CEP89: variants seen among roughly 807,000 people sequenced by gnomAD.
CEP89 encodes centrosomal protein of 89 kDa.
In CEP89, 95 loss-of-function variants were observed where a neutral mutation model predicts 97.6. The ratio of observed to expected loss-of-function variants is 0.97; its 90% CI spans 0.82 to 1.15. The LOEUF (loss-of-function observed/expected upper bound fraction) is 1.15. Ranked by LOEUF, CEP89 falls within the 50% of genes most tolerant of loss-of-function variation. CEP89 has a pLI of 0.00. For synonymous variants in CEP89, 354 were observed against 349.1 expected, an observed-to-expected ratio of 1.01 and a Z score of -0.16; for missense variants, 869 against 947.7, an observed-to-expected ratio of 0.92 and a Z score of 1.09.
At chr19:32,917,074 C>T (rs1233433144) in intron 13 of CEP89, among the ~76,000 whole-genome samples, 1 of 152,096 alleles carries the variant, frequency 6.6e-6, no homozygotes, top group Non-Finnish European at 1.5e-5. Flanking sequence ...GGGAAAATAG[C>T]ACAGGCAACT....
intron 12 of CEP89, among the ~76,000 whole-genome samples, chr19:32,920,833 C>G (rs114675457): frequency 6.6e-6 from 1 of 152,016 alleles, no homozygotes; most frequent in African/African-American, 2.4e-5. Context: ...CCTGAGGTCA[C>G]CCAGTGATTC....
At position 32,937,733 on chromosome 19, in the gene CEP89, C is replaced by G; in HGVS notation, c.625-60G>C. On this transcript the variant is annotated intron_variant, in intron 6 of 18. Coordinates refer to ENST00000305768, the MANE Select transcript of CEP89 (RefSeq NM_032816.5). ...GAGCATTAGTGTTTTATAAAGTGGACACACGCAGCTAGGTCATTAGACAGC... is the reference window on the plus strand; with the variant it reads ...GAGCATTAGTGTTTTATAAAGTGGAGACACGCAGCTAGGTCATTAGACAGC... 6.7e-6 allele frequency: 8 copies of G among 1,201,488 alleles called. No homozygotes were observed. The South Asian group carries it at 1.0e-4, about 15-fold the overall frequency. 74.4% of individuals were successfully genotyped at this position (1,201,488 alleles called of 1,614,324 possible).
At chr19:32,904,260 G>T (rs1307895634) in intron 14 of CEP89, among the ~76,000 whole-genome samples, 1 of 152,134 alleles carries the variant, frequency 6.6e-6, no homozygotes, top group African/African-American at 2.4e-5. Flanking sequence ...AAGCCTCAGA[G>T]AAAACACACG....
At chr19:32,886,705 C>A (rs1969403862) in intron 17 of CEP89, among the ~76,000 whole-genome samples, 1 of 152,040 alleles carries the variant, frequency 6.6e-6, no homozygotes, top group Non-Finnish European at 1.5e-5. Context: ...CCGAGGATCA[C>A]TCCTTCTCTT....
At chr19:32,883,910 T>G (rs1231785572) in intron 17 of CEP89, among the ~76,000 whole-genome samples, 2 of 152,218 alleles carry the variant, frequency 1.3e-5, no homozygotes, top group African/African-American at 4.8e-5. Flanking sequence ...TTTCTTTGTA[T>G]TTCCTGTAGT....
intron 9 of CEP89, among the ~76,000 whole-genome samples, chr19:32,927,216 C>T (rs1044765233): frequency 5.3e-5 from 8 of 152,228 alleles, no homozygotes; most frequent in African/African-American, 1.9e-4. Flanking sequence ...ACCCATCTAT[C>T]TATCTATATG....
At chr19:32,942,875 G>C (rs1323658009) in intron 5 of CEP89, among the ~76,000 whole-genome samples, 1 of 150,500 alleles carries the variant, frequency 6.6e-6, no homozygotes, top group African/African-American at 2.5e-5. Context: ...TTTGAGACAG[G>C]GTCTCACTCT....
At chr19:32,926,588 T>C (rs868379348) in intron 10 of CEP89, among the ~76,000 whole-genome samples, 24 of 152,224 alleles carry the variant, frequency 1.6e-4, no homozygotes, top group African/African-American at 5.8e-4. Flanking sequence ...CCCGAAGCCA[T>C]TCCCACTCTG....
intron 8 of CEP89, among the ~76,000 whole-genome samples, chr19:32,932,741 C>T (rs1457419138): frequency 6.6e-6 from 1 of 151,434 alleles, no homozygotes; most frequent in African/African-American, 2.4e-5. Flanking sequence ...GAGTTTGAGA[C>T]CAGCCTGGGC....
intron 4 of CEP89, among the ~76,000 whole-genome samples, chr19:32,952,931 AAAAAG>A (rs1970956036): frequency 6.6e-6 from 1 of 150,884 alleles, no homozygotes; most frequent in Non-Finnish European, 1.5e-5. Context: ...AAAAGAAAAG[AAAAAG>A]AAAAGAAATG....
chr19:32,967,506 G>GA (rs79937657), intron 1 of CEP89, among the ~76,000 whole-genome samples: 35,942 of 125,850 alleles, frequency 0.29, 4,512 homozygotes, highest in Admixed American at 0.37. Context: ...CACTAAAAAT[G>GA]AAAAAAAAAA....
intron 16 of CEP89, among the ~76,000 whole-genome samples, chr19:32,893,055 AAATT>A (rs1568546802): frequency 1.3e-5 from 2 of 152,128 alleles, no homozygotes; most frequent in African/African-American, 4.8e-5. Flanking sequence ...CCTTGAATGT[AAATT>A]AATTAAATTT....
At chr19:32,911,006 T>C (rs1969989430) in intron 14 of CEP89, among the ~76,000 whole-genome samples, 1 of 152,234 alleles carries the variant, frequency 6.6e-6, no homozygotes, top group Non-Finnish European at 1.5e-5. Context: ...TATCAAGTAT[T>C]ATGTACTGTC....
intron 14 of CEP89, among the ~76,000 whole-genome samples, chr19:32,902,010 C>CTCTGTGTGTGTG (rs1207481256): frequency 0.066 from 8,792 of 133,612 alleles, 360 homozygotes; most frequent in African/African-American, 0.11. Flanking sequence ...CTCTCTCTCT[C>CTCTGTGTGTGTG]TGTGTGTGTG....
At chr19:32,886,889 T>C (rs1599709341) in intron 17 of CEP89, among the ~76,000 whole-genome samples, 1 of 145,150 alleles carries the variant, frequency 6.9e-6, no homozygotes. Context: ...AGAGACAGGG[T>C]CCCTGCCAGG....
chr19:32,951,561 A>G (rs914365110), intron 4 of CEP89, among the ~76,000 whole-genome samples: 1 of 150,958 alleles, frequency 6.6e-6, no homozygotes. Flanking sequence ...ACACACACAC[A>G]CACACGCACA....
chr19:32,925,653 A>C (rs1441414601), intron 11 of CEP89, among the ~76,000 whole-genome samples: 1 of 151,472 alleles, frequency 6.6e-6, no homozygotes, highest in Non-Finnish European at 1.5e-5. Flanking sequence ...CACACCAGCT[A>C]ATTTTTGTAT....
Position 32,942,517 on chromosome 19 carries a change from A to G in CEP89, c.596-2632T>C, listed in dbSNP as rs182461573. ...ATAAAAAGTTTTTAAGGGGCAATTC[A>G]ATTTTCCCAAAGGAAATCATGCTAT... On this transcript the variant is annotated intron_variant, in intron 5 of 18. Coordinates refer to ENST00000305768, the MANE Select transcript of CEP89 (RefSeq NM_032816.5). Among the ~76,000 whole-genome samples, 14 of 152,342 alleles carry G rather than the reference A, an allele frequency of 9.2e-5. 1 individual carries two copies. The highest frequency in any genetic ancestry group is 3.1e-4 in the African/African-American group (13 of 41,580).
chr19:32,890,745 G>A (rs1969497690), intron 16 of CEP89, among the ~76,000 whole-genome samples: 7 of 152,226 alleles, frequency 4.6e-5, no homozygotes, highest in Admixed American at 4.6e-4. Flanking sequence ...AACCCCTGCA[G>A]GCCCTGAGAC....
Sources: allele counts gnomAD v4.1 joint callset (sites outside exome capture counted in the v4.1 genomes callset), GRCh38; gene constraint gnomAD v4.1.1; transcripts MANE v1.5; gene names NCBI Gene and HGNC (gene_info 2026-07-23, HGNC 2026-07-21).